LYPD6: variants seen among roughly 807,000 people sequenced by gnomAD.
LYPD6 encodes the protein ly6/PLAUR domain-containing protein 6.
Under a neutral mutation model 22.7 loss-of-function variants are expected in LYPD6, and 15 were observed. The observed-to-expected ratio is 0.66, with a 90% CI of 0.44 to 1.02. The LOEUF (loss-of-function observed/expected upper bound fraction) is 1.02, where lower values mean the gene tolerates loss of function less well. LYPD6 is among the 50% of genes least tolerant of loss of function. The pLI is 0.00. For synonymous variants in LYPD6, 72 were observed against 77.5 expected, an observed-to-expected ratio of 0.93 and a Z score of 0.37; for missense variants, 189 against 208.4, an observed-to-expected ratio of 0.91 and a Z score of 0.57.
chr2:149,338,502 C>G (rs1398567342), intron 1 of LYPD6, among the ~76,000 whole-genome samples: 2 of 152,106 alleles, frequency 1.3e-5, no homozygotes, highest in Admixed American at 6.6e-5. Flanking sequence ...GGACAGAGCC[C>G]TCATGAGTGG....
chr2:149,376,537 T>C (rs963120090), intron 1 of LYPD6, among the ~76,000 whole-genome samples: 2 of 152,182 alleles, frequency 1.3e-5, no homozygotes, highest in Non-Finnish European at 2.9e-5. Context: ...TGTAAAATAC[T>C]ACTAATAATA....
At chr2:149,418,327 A>T (rs1683008024) in intron 1 of LYPD6, among the ~76,000 whole-genome samples, 1 of 152,130 alleles carries the variant, frequency 6.6e-6, no homozygotes, top group Admixed American at 6.5e-5. Context: ...TTTTTCCCTC[A>T]TGTCTAGGAG....
At chr2:149,376,336 C>T (rs541045493) in intron 1 of LYPD6, among the ~76,000 whole-genome samples, 12 of 152,276 alleles carry the variant, frequency 7.9e-5, no homozygotes, top group African/African-American at 2.9e-4. Context: ...CATCTGAATA[C>T]TATTAAAATA....
At chr2:149,371,557 G>GT (rs1339343637) in intron 1 of LYPD6, among the ~76,000 whole-genome samples, 2 of 152,178 alleles carry the variant, frequency 1.3e-5, no homozygotes, top group Non-Finnish European at 2.9e-5. Flanking sequence ...AAGCAAGCAG[G>GT]TTTTTTGTGT....
At chr2:149,445,168 TA>T (rs574868225) in intron 2 of LYPD6, among the ~76,000 whole-genome samples, 4 of 152,244 alleles carry the variant, frequency 2.6e-5, no homozygotes, top group African/African-American at 9.6e-5. Context: ...TTGAAAGAAA[TA>T]TTTTTTTTCT....
chr2:149,480,571 T>G, the LYPD6 span, among the ~76,000 whole-genome samples: 4 of 152,062 alleles, frequency 2.6e-5, no homozygotes, highest in Admixed American at 6.6e-5. Context: ...TTCCTGTGTG[T>G]GGGGGGGTGT....
chr2:149,372,385 A>C (rs1000025421), intron 1 of LYPD6, among the ~76,000 whole-genome samples: 3 of 152,222 alleles, frequency 2.0e-5, no homozygotes, highest in African/African-American at 7.2e-5. Flanking sequence ...CTCTTTGACT[A>C]AATTTCCCTA....
chr2:149,392,349 A>T (rs1276053542), intron 1 of LYPD6, among the ~76,000 whole-genome samples: 2 of 152,168 alleles, frequency 1.3e-5, no homozygotes, highest in African/African-American at 4.8e-5. Context: ...GCACTCCAGG[A>T]TGGTCAGGGC....
chr2:149,425,127 A>G (rs1384850936), intron 1 of LYPD6, among the ~76,000 whole-genome samples: 1 of 152,072 alleles, frequency 6.6e-6, no homozygotes, highest in Non-Finnish European at 1.5e-5. Flanking sequence ...ATTGGTTTTC[A>G]TGGATAATGC....
At chr2:149,433,612 C>T (rs17348438) in intron 1 of LYPD6, among the ~76,000 whole-genome samples, 28,188 of 152,018 alleles carry the variant, frequency 0.19, 2,642 homozygotes, top group Middle Eastern at 0.21. Context: ...GGTTTTTGGC[C>T]ATTTGGGTTT....
intron 1 of LYPD6, among the ~76,000 whole-genome samples, chr2:149,398,469 TTTG>T (rs775925505): frequency 1.3e-5 from 2 of 151,836 alleles, no homozygotes; most frequent in South Asian, 4.2e-4. Flanking sequence ...GCACACTCGT[TTTG>T]TTGTTTTTGT....
intron 1 of LYPD6, among the ~76,000 whole-genome samples, chr2:149,385,544 G>A (rs1211311713): frequency 2.0e-5 from 3 of 152,202 alleles, no homozygotes; most frequent in Non-Finnish European, 4.4e-5. Context: ...GGTCTCCTCA[G>A]CCAGGCAGTT....
rs1681391119 is a variant in LYPD6 at position 149,473,513 on chromosome 2, C to G, written c.*2663C>G. The G allele has an allele frequency of 6.6e-6, 1 of 152,448 alleles. No homozygotes were observed. Among genetic ancestry groups the G allele is most frequent in the Admixed American group, 6.5e-5 (1 of 15,274 alleles). 9.4% of individuals were successfully genotyped at this position (152,448 alleles called of 1,614,324 possible). A position where few individuals can be genotyped will look rare whatever the true frequency, so the allele number is the denominator to read the frequency against. On this transcript the variant is annotated 3_prime_UTR_variant, in exon 5 of 5. Coordinates refer to ENST00000334166, the MANE Select transcript of LYPD6 (RefSeq NM_194317.5). ...CATGATGTGTATATTAAGCTATGTG[C>G]CACATATTTATTTTTAGACTCTCCA...
At chr2:149,462,823 TACTGGAGGA>T (rs1371940525) in intron 3 of LYPD6, among the ~76,000 whole-genome samples, 1 of 152,022 alleles carries the variant, frequency 6.6e-6, no homozygotes, top group South Asian at 2.1e-4. Context: ...TAACAAATGG[TACTGGAGGA>T]ACTGGACATT....
At chr2:149,391,364 T>G (rs879646578) in intron 1 of LYPD6, among the ~76,000 whole-genome samples, 6 of 151,876 alleles carry the variant, frequency 4.0e-5, no homozygotes, top group African/African-American at 1.2e-4. Context: ...TCCAACTCCC[T>G]TTTTTCCCCC....
At chr2:149,476,507 G>A (rs1391456580), downstream of LYPD6, among the ~76,000 whole-genome samples, 3 of 152,088 alleles carry the variant, frequency 2.0e-5, no homozygotes, top group African/African-American at 7.2e-5. Flanking sequence ...CAGAGTTCAG[G>A]CCTCCATTGA....
chr2:149,471,899 A>G lies in LYPD6; in HGVS notation c.*1049A>G, dbSNP rs1051627190. On this transcript the variant is annotated 3_prime_UTR_variant, in exon 5 of 5. Coordinates refer to ENST00000334166, the MANE Select transcript of LYPD6 (RefSeq NM_194317.5). ...GATTCTGCATTAAATTGTCTTTCGA[A>G]TGATGGGGAAGCAAGGCATAATATG... 9 of 152,608 alleles carry G rather than the reference A, an allele frequency of 5.9e-5. No homozygotes were observed. Among genetic ancestry groups the G allele is most frequent in the African/African-American group, 2.2e-4 (9 of 41,454 alleles). The allele number at this position is 152,608 out of a possible 1,614,324, so 9.5% of individuals were successfully genotyped here.
chr2:149,445,327 A>C (rs902063357), intron 2 of LYPD6, among the ~76,000 whole-genome samples: 2 of 152,228 alleles, frequency 1.3e-5, no homozygotes, highest in Admixed American at 1.3e-4. Context: ...AAGAATGATA[A>C]ATTAGCATTG....
intron 4 of LYPD6, 21 bp downstream of exon 4, chr2:149,468,796 G>T: frequency 6.2e-7 from 1 of 1,612,120 alleles, no homozygotes; most frequent in South Asian, 1.1e-5. Context: ...CAGAGCAAGT[G>T]ACCAGTACTA....
Sources: gnomAD v4.1 joint callset for allele counts (sites outside exome capture counted in the v4.1 genomes callset) on GRCh38, gnomAD v4.1.1 for gene constraint, MANE v1.5 for transcripts, NCBI Gene and HGNC (gene_info 2026-07-23, HGNC 2026-07-21) for gene names.